Variants in NAA11 observed in about 807,000 individuals in gnomAD.
The protein encoded by NAA11 is N-alpha-acetyltransferase 11.
NAA11 carries 15 observed loss-of-function variants against 16.1 expected under a neutral mutation model. The observed-to-expected ratio is 0.93, with a 90% CI of 0.62 to 1.44. NAA11 has a LOEUF of 1.44. Among genes scored for constraint, NAA11 ranks in the 40% most tolerant of loss-of-function variants. The pLI is 0.00. For missense variants in NAA11, 298 were observed against 291.3 expected, an observed-to-expected ratio of 1.02 and a Z score of -0.17; for synonymous variants, 122 against 112.4, an observed-to-expected ratio of 1.09 and a Z score of -0.54.
intron 2 of NAA11, among the ~76,000 whole-genome samples, chr4:79,278,454 C>A (rs1722716085): frequency 6.6e-6 from 1 of 152,046 alleles, no homozygotes; most frequent in Non-Finnish European, 1.5e-5. Flanking sequence ...AAAATTTTTC[C>A]CTAAACTGCT....
chr4:79,268,055 T>G (rs559887677), intron 2 of NAA11, among the ~76,000 whole-genome samples: 3 of 152,266 alleles, frequency 2.0e-5, no homozygotes, highest in African/African-American at 7.2e-5. Flanking sequence ...AAGAATATAC[T>G]TATCTTCTGG....
Position 79,299,994 on chromosome 4 carries a change from G to A in NAA11, c.*13-5880C>T, listed in dbSNP as rs527720983. 7.9e-5 allele frequency among the ~76,000 whole-genome samples: 12 copies of A among 152,236 alleles called. No homozygotes were observed. The South Asian group carries it at 8.3e-4, about 11-fold the overall frequency. ...CTGGTTCAGCTTGGTTTCCCCATTCGCTTTCAGGTGATGGAAATGTCATGC... is the reference window on the plus strand; with the variant it reads ...CTGGTTCAGCTTGGTTTCCCCATTCACTTTCAGGTGATGGAAATGTCATGC... On this transcript the variant is annotated intron_variant and NMD_transcript_variant, in intron 1 of 2. Coordinates refer to the NAA11 transcript ENST00000511542.
intron 2 of NAA11, among the ~76,000 whole-genome samples, chr4:79,259,811 G>T (rs952084321): frequency 6.6e-6 from 1 of 152,196 alleles, no homozygotes; most frequent in Non-Finnish European, 1.5e-5. Context: ...GCTTGGTGCA[G>T]ATAGCTTTCT....
intron 2 of NAA11, among the ~76,000 whole-genome samples, chr4:79,274,938 G>T (rs187667158): frequency 3.9e-5 from 6 of 152,130 alleles, no homozygotes; most frequent in South Asian, 2.1e-4. Context: ...TGCTTTCCAA[G>T]ATAAGGTTTA....
At chr4:79,298,526 G>A (rs1723290602) in intron 1 of NAA11, among the ~76,000 whole-genome samples, 1 of 152,206 alleles carries the variant, frequency 6.6e-6, no homozygotes, top group Non-Finnish European at 1.5e-5. Context: ...AGCTGCTTAT[G>A]GTGCCCCTGG....
chr4:79,248,168 G>T (rs1321402711), intron 2 of NAA11, among the ~76,000 whole-genome samples: 1 of 152,120 alleles, frequency 6.6e-6, no homozygotes, highest in African/African-American at 2.4e-5. Context: ...CCAAGCTGTG[G>T]TGCCTCCCTG....
the NAA11 span, among the ~76,000 whole-genome samples, chr4:79,217,945 G>A: frequency 6.6e-6 from 1 of 152,118 alleles, no homozygotes; most frequent in Non-Finnish European, 1.5e-5. Context: ...GTGTAGAAGT[G>A]TCTGATATTA....
At chr4:79,236,067 T>G (rs1578154807) in intron 2 of NAA11, among the ~76,000 whole-genome samples, 1 of 152,224 alleles carries the variant, frequency 6.6e-6, no homozygotes, top group East Asian at 1.9e-4. Flanking sequence ...AGTACTTAGC[T>G]TCTTGTTAAA....
intron 1 of NAA11, among the ~76,000 whole-genome samples, chr4:79,322,646 AT>A (rs536105155): frequency 6.6e-6 from 1 of 152,036 alleles, no homozygotes; most frequent in Admixed American, 6.6e-5. Context: ...GAAAGTTGAA[AT>A]TTTTTTTAAA....
chr4:79,168,500 G>A, the NAA11 span, among the ~76,000 whole-genome samples: 7 of 152,158 alleles, frequency 4.6e-5, no homozygotes, highest in Non-Finnish European at 8.8e-5. Flanking sequence ...CTGTAAAAGT[G>A]TTCCTGTTTC....
chr4:79,169,706 C>T, the NAA11 span, among the ~76,000 whole-genome samples: 2 of 152,142 alleles, frequency 1.3e-5, no homozygotes, highest in African/African-American at 4.8e-5. Flanking sequence ...ATGACTAAAA[C>T]ACCAATAGCA....
intron 2 of NAA11, among the ~76,000 whole-genome samples, chr4:79,275,561 T>C (rs140057099): frequency 1.8e-4 from 28 of 152,216 alleles, no homozygotes; most frequent in African/African-American, 6.7e-4. Context: ...GTCATATGTA[T>C]AGTAGGAAAA....
the NAA11 span, among the ~76,000 whole-genome samples, chr4:79,204,663 A>G: frequency 4.0e-5 from 6 of 151,704 alleles, no homozygotes; most frequent in Non-Finnish European, 8.8e-5. Flanking sequence ...CTGTCACCCA[A>G]TAGTGCACAC....
At chr4:79,287,418 A>G (rs1722966683) in intron 2 of NAA11, among the ~76,000 whole-genome samples, 1 of 151,876 alleles carries the variant, frequency 6.6e-6, no homozygotes, top group Admixed American at 6.6e-5. Flanking sequence ...TAAGCCAATC[A>G]TTTCTCACTA....
At chr4:79,179,155 T>G in the NAA11 span, among the ~76,000 whole-genome samples, 1 of 152,198 alleles carries the variant, frequency 6.6e-6, no homozygotes, top group African/African-American at 2.4e-5. Flanking sequence ...TGGTTTTAAA[T>G]GTAGTGTATT....
the NAA11 span, among the ~76,000 whole-genome samples, chr4:79,215,704 C>A: frequency 2.6e-5 from 4 of 152,156 alleles, no homozygotes; most frequent in Non-Finnish European, 4.4e-5. Flanking sequence ...CAGTAAACAG[C>A]AAATCTGCTT....
At chr4:79,189,158 A>AAAAAAAAAAAAAAAAAAAAAAAAAC in the NAA11 span, among the ~76,000 whole-genome samples, 3 of 148,018 alleles carry the variant, frequency 2.0e-5, no homozygotes, top group East Asian at 2.0e-4. Context: ...AAAAAAAAAA[A>AAAAAAAAAAAAAAAAAAAAAAAAAC]AAAAAACTTA....
rs1413863347 is a variant in NAA11, at chr4:79,317,610, C to G, written c.*194G>C. 1 of 152,224 alleles carries G rather than the reference C, an allele frequency of 6.6e-6. No individual in the cohort carries two copies. Among genetic ancestry groups the G allele is most frequent in the Non-Finnish European group, 1.5e-5 (1 of 68,106 alleles). 9.4% of individuals were successfully genotyped at this position (152,224 alleles called of 1,614,324 possible). A position where few individuals can be genotyped will look rare whatever the true frequency, so the allele number is the denominator to read the frequency against. Reference sequence around the variant, plus strand: ...GTTCCTTGGCTGTTGTGCAGTGGCTCTTGTGTCCAGGTATTCCTTCATGAT... The same window carrying G: ...GTTCCTTGGCTGTTGTGCAGTGGCTGTTGTGTCCAGGTATTCCTTCATGAT... On this transcript the variant is annotated 3_prime_UTR_variant, in exon 2 of 2. Coordinates refer to ENST00000286794, the MANE Select transcript of NAA11 (RefSeq NM_032693.3).
At chr4:79,202,621 TTTTATATATA>T in the NAA11 span, among the ~76,000 whole-genome samples, 7 of 11,946 alleles carry the variant, frequency 5.9e-4, no homozygotes, top group African/African-American at 8.3e-4. Flanking sequence ...TTATATATAG[TTTTATATATA>T]TATATATATA....
Sources: allele counts gnomAD v4.1 joint callset (sites outside exome capture counted in the v4.1 genomes callset), GRCh38; gene constraint gnomAD v4.1.1; transcripts MANE v1.5; gene names NCBI Gene and HGNC (gene_info 2026-07-23, HGNC 2026-07-21).